Variants in MAP4K4 observed in about 807,000 individuals in gnomAD.
The protein encoded by MAP4K4 is mitogen-activated protein kinase kinase kinase kinase 4, also known as HPK/GCK-like kinase HGK.
Under a neutral mutation model 189.6 loss-of-function variants are expected in MAP4K4, and 38 were observed. The observed-to-expected ratio is 0.20, with a 90% CI of 0.15 to 0.26. MAP4K4 has a LOEUF of 0.26. Among genes scored for constraint, MAP4K4 ranks in the 10% least tolerant of loss-of-function variants. The pLI is 1.00. For synonymous variants in MAP4K4, 610 were observed against 624.3 expected, an observed-to-expected ratio of 0.98 and a Z score of 0.34; for missense variants, 1,054 against 1,726.9, an observed-to-expected ratio of 0.61 and a Z score of 6.91.
chr2:101,741,065 A>T (rs1022294102), intron 2 of MAP4K4, among the ~76,000 whole-genome samples: 3 of 152,200 alleles, frequency 2.0e-5, no homozygotes, highest in Non-Finnish European at 4.4e-5. Context: ...ATCAAATTCA[A>T]CTTTGATGCT....
At chr2:101,829,003 G>A (rs1238224184) in intron 5 of MAP4K4, among the ~76,000 whole-genome samples, 1 of 152,232 alleles carries the variant, frequency 6.6e-6, no homozygotes, top group Non-Finnish European at 1.5e-5. Context: ...TTATGCTTGG[G>A]ATGGAGGTGG....
At chr2:101,769,197 T>G (rs2080122864) in intron 2 of MAP4K4, among the ~76,000 whole-genome samples, 1 of 152,208 alleles carries the variant, frequency 6.6e-6, no homozygotes. Context: ...ATTAACTGAT[T>G]CATTATTGTG....
intron 31 of MAP4K4, among the ~76,000 whole-genome samples, chr2:101,888,384 C>T (rs142803654): frequency 2.5e-4 from 38 of 152,170 alleles, no homozygotes; most frequent in African/African-American, 7.2e-4. Flanking sequence ...TAATAAAGAC[C>T]GATATTTGAC....
exon 33 of MAP4K4, chr2:101,892,143 T>C (rs1346403688): frequency 1.3e-5 from 2 of 152,534 alleles, no homozygotes; most frequent in Non-Finnish European, 2.9e-5. Flanking sequence ...GCAACAAAAG[T>C]TTTACCACAG....
intron 2 of MAP4K4, among the ~76,000 whole-genome samples, chr2:101,743,274 T>C (rs949241947): frequency 6.6e-6 from 1 of 152,168 alleles, no homozygotes; most frequent in African/African-American, 2.4e-5. Context: ...TTTGCCTTGT[T>C]TTTTGGCTTT....
At chr2:101,858,341 A>G (rs1328834197) in intron 13 of MAP4K4, among the ~76,000 whole-genome samples, 1 of 152,152 alleles carries the variant, frequency 6.6e-6, no homozygotes, top group East Asian at 1.9e-4. Context: ...CTTCTCATTG[A>G]AAAGAAAAAC....
intron 9 of MAP4K4, among the ~76,000 whole-genome samples, chr2:101,836,961 C>T (rs1027931646): frequency 6.6e-6 from 1 of 152,106 alleles, no homozygotes; most frequent in Non-Finnish European, 1.5e-5. Flanking sequence ...TTTGCCCCCT[C>T]TTTCCCTCCT....
chr2:101,805,215 C>G (rs1308753556), intron 3 of MAP4K4, among the ~76,000 whole-genome samples: 2 of 151,936 alleles, frequency 1.3e-5, no homozygotes, highest in East Asian at 1.9e-4. Flanking sequence ...GCACCTAGAT[C>G]AAGAAACAGA....
intron 2 of MAP4K4, among the ~76,000 whole-genome samples, chr2:101,732,587 C>T (rs969542095): frequency 6.6e-6 from 1 of 151,992 alleles, no homozygotes; most frequent in African/African-American, 2.4e-5. Flanking sequence ...TCTCCTTGCT[C>T]CTTTTTTATT....
At chr2:101,710,304 TTCTC>T (rs1347194997) in intron 2 of MAP4K4, among the ~76,000 whole-genome samples, 1 of 152,238 alleles carries the variant, frequency 6.6e-6, no homozygotes, top group Non-Finnish European at 1.5e-5. Flanking sequence ...AGCATCTTAG[TTCTC>T]TATATGTACA....
intron 2 of MAP4K4, among the ~76,000 whole-genome samples, chr2:101,720,490 C>T (rs576778802): frequency 2.0e-5 from 3 of 152,222 alleles, no homozygotes; most frequent in South Asian, 2.1e-4. Flanking sequence ...GCATCTCCCT[C>T]GTTTTTCCTG....
intron 27 of MAP4K4, among the ~76,000 whole-genome samples, chr2:101,878,935 G>A (rs2098291789): frequency 6.6e-6 from 1 of 152,108 alleles, no homozygotes; most frequent in Non-Finnish European, 1.5e-5. Flanking sequence ...TGAGGAAACA[G>A]CCATTTAAAA....
intron 2 of MAP4K4, among the ~76,000 whole-genome samples, chr2:101,785,795 T>TTTC (rs2090825567): frequency 6.3e-5 from 1 of 15,882 alleles, no homozygotes; most frequent in Admixed American, 6.1e-4. Context: ...TCTCTCTCTC[T>TTTC]TCTTTCTTTC....
At chr2:101,838,634 A>G (rs1395697052) in intron 9 of MAP4K4, among the ~76,000 whole-genome samples, 2 of 152,182 alleles carry the variant, frequency 1.3e-5, no homozygotes, top group African/African-American at 2.4e-5. Flanking sequence ...TAAGTTTGAT[A>G]TATGTCCGCT....
chr2:101,891,009 C>T (rs2098557864), intron 32 of MAP4K4, among the ~76,000 whole-genome samples, 157 bp from the exon 33 acceptor site: 1 of 152,202 alleles, frequency 6.6e-6, no homozygotes, highest in South Asian at 2.1e-4. Flanking sequence ...CAGGTGTGAG[C>T]CACTGCACCT....
At chr2:101,811,081 T>C (rs2095390745) in intron 3 of MAP4K4, among the ~76,000 whole-genome samples, 1 of 152,046 alleles carries the variant, frequency 6.6e-6, no homozygotes, top group African/African-American at 2.4e-5. Context: ...GGCTCAAGAA[T>C]GTGAAAGTAG....
At chr2:101,708,524 G>A (rs1484344123) in intron 2 of MAP4K4, among the ~76,000 whole-genome samples, 9 of 152,224 alleles carry the variant, frequency 5.9e-5, no homozygotes, top group Admixed American at 4.6e-4. Flanking sequence ...GCCATGGTAC[G>A]TATTAATTAC....
chr2:101,852,203 G>C (rs911438414), intron 12 of MAP4K4, among the ~76,000 whole-genome samples: 1 of 151,188 alleles, frequency 6.6e-6, no homozygotes, highest in Non-Finnish European at 1.5e-5. Context: ...TCAAGACTTC[G>C]TGCTCTTACT....
intron 2 of MAP4K4, among the ~76,000 whole-genome samples, chr2:101,760,528 ATATGTGTGTG>A (rs2075868092): frequency 1.8e-5 from 2 of 108,522 alleles, no homozygotes; most frequent in African/African-American, 9.3e-5. Context: ...ATATATGTAT[ATATGTGTGTG>A]TGTGTGTGTG....
Sources: gnomAD v4.1 joint callset for allele counts (sites outside exome capture counted in the v4.1 genomes callset) on GRCh38, gnomAD v4.1.1 for gene constraint, MANE v1.5 for transcripts, NCBI Gene and HGNC (gene_info 2026-07-23, HGNC 2026-07-21) for gene names.